The following XKR6 variants were observed in gnomAD, a reference collection of about 807,000 sequenced individuals.
XKR6 encodes XK-related protein 6.
XKR6 carries 22 observed loss-of-function variants against 56.7 expected under a neutral mutation model. The ratio of observed to expected loss-of-function variants is 0.39; its 90% CI spans 0.28 to 0.55. The LOEUF is 0.55. Ranked by LOEUF, XKR6 falls within the 20% of genes least tolerant of loss-of-function variation. XKR6 has a pLI of 0.66. For synonymous variants in XKR6, 524 were observed against 387.8 expected (o/e 1.35, Z -4.13); for missense variants, 852 against 889.0 (o/e 0.96, Z 0.53).
At chr8:11,114,727 ATGTGTGTGTG>A (rs58011023) in intron 1 of XKR6, among the ~76,000 whole-genome samples, 7,786 of 118,464 alleles carry the variant, frequency 0.066, 715 homozygotes, top group African/African-American at 0.2. Flanking sequence ...TAGATCACAT[ATGTGTGTGTG>A]TGTGTGTGTG....
At chr8:10,901,442 G>C (rs1265467541) in intron 2 of XKR6, among the ~76,000 whole-genome samples, 1 of 151,996 alleles carries the variant, frequency 6.6e-6, no homozygotes, top group East Asian at 1.9e-4. Context: ...CAAAGTGCTG[G>C]GATTACAGGC....
chr8:10,903,540 C>T (rs148157751), intron 2 of XKR6, among the ~76,000 whole-genome samples: 14 of 152,208 alleles, frequency 9.2e-5, no homozygotes, highest in Non-Finnish European at 1.5e-5. Flanking sequence ...GAAGCTCTAA[C>T]CCCTAGGACC....
At chr8:11,036,450 G>C (rs1480579974) in intron 1 of XKR6, among the ~76,000 whole-genome samples, 3 of 152,172 alleles carry the variant, frequency 2.0e-5, no homozygotes, top group Non-Finnish European at 4.4e-5. Context: ...TGTGAATCTT[G>C]CTACCGGCAG....
At chr8:11,037,937 G>A (rs1424420274) in intron 1 of XKR6, among the ~76,000 whole-genome samples, 1 of 150,728 alleles carries the variant, frequency 6.6e-6, no homozygotes, top group Non-Finnish European at 1.5e-5. Flanking sequence ...TGAGGCAGGA[G>A]AATTGCTTGA....
chr8:11,194,890 G>A (rs549953077), intron 1 of XKR6: 86 of 506,302 alleles, frequency 1.7e-4, no homozygotes, highest in African/African-American at 1.1e-3. Context: ...GGATCCTTCT[G>A]GAAATACTAT....
intron 1 of XKR6, among the ~76,000 whole-genome samples, chr8:10,981,038 G>A (rs1354192950): frequency 6.6e-6 from 1 of 152,062 alleles, no homozygotes; most frequent in Non-Finnish European, 1.5e-5. Flanking sequence ...CAAAATACCA[G>A]GTAGCTGTAG....
intron 1 of XKR6, among the ~76,000 whole-genome samples, chr8:11,092,953 C>T (rs569907780): frequency 6.6e-6 from 1 of 152,366 alleles, no homozygotes; most frequent in East Asian, 1.9e-4. Flanking sequence ...CTCCTGCCCA[C>T]CATGCAGCCC....
chr8:10,970,598 C>A (rs539850314), intron 1 of XKR6, among the ~76,000 whole-genome samples: 15 of 151,874 alleles, frequency 9.9e-5, no homozygotes, highest in African/African-American at 3.6e-4. Flanking sequence ...CTTTGCAAGA[C>A]ACAGTGTCTC....
chr8:10,911,622 CAG>C (rs1159910883), intron 2 of XKR6, among the ~76,000 whole-genome samples: 1 of 131,756 alleles, frequency 7.6e-6, no homozygotes, highest in African/African-American at 2.9e-5. Context: ...TATATGTAGA[CAG>C]AGAGGGGGTG....
intron 1 of XKR6, among the ~76,000 whole-genome samples, chr8:11,100,139 C>T (rs1211020401): frequency 1.3e-5 from 2 of 152,134 alleles, no homozygotes; most frequent in African/African-American, 4.8e-5. Context: ...GCAGTCTCGA[C>T]CTCCCCAGAC....
intron 1 of XKR6, among the ~76,000 whole-genome samples, chr8:10,952,285 G>T (rs1199506900): frequency 6.6e-6 from 1 of 152,116 alleles, no homozygotes; most frequent in East Asian, 1.9e-4. Context: ...AGCCAGTCAG[G>T]GTAGAAAGAG....
chr8:11,176,134 T>C (rs1802641922), intron 1 of XKR6, among the ~76,000 whole-genome samples: 1 of 152,222 alleles, frequency 6.6e-6, no homozygotes, highest in Non-Finnish European at 1.5e-5. Flanking sequence ...TGACCTGTGC[T>C]TAGCATCTTT....
At chr8:11,042,882 A>C (rs1039242892) in intron 1 of XKR6, among the ~76,000 whole-genome samples, 3 of 152,174 alleles carry the variant, frequency 2.0e-5, no homozygotes, top group African/African-American at 7.2e-5. Context: ...CCTAGCACTT[A>C]GGCCCAGAAG....
intron 1 of XKR6, among the ~76,000 whole-genome samples, chr8:11,182,505 C>T (rs775482653): frequency 1.7e-4 from 26 of 152,176 alleles, no homozygotes; most frequent in Admixed American, 1.2e-3. Flanking sequence ...AGCTGGTCAG[C>T]GTGGCCAGGA....
At position 11,201,459 on chromosome 8, in the gene XKR6, G is replaced by A. The variant is rs935023714; in HGVS notation, c.-120C>T. On this transcript the variant is annotated 5_prime_UTR_variant, in exon 1 of 3. Coordinates refer to ENST00000416569, the MANE Select transcript of XKR6 (RefSeq NM_173683.4). ...GAGGAAGGGGGGCGGGGAGGAAGCG[G>A]GGGAGCAAACGAACGAGGGGGGAGT... 2 of 505,246 alleles carry A rather than the reference G, an allele frequency of 4.0e-6. No individual in the cohort carries two copies. The highest frequency in any genetic ancestry group is 2.1e-5 in the African/African-American group (1 of 47,566). The allele number at this position is 505,246 out of a possible 1,614,324, so 31.3% of individuals were successfully genotyped here.
intron 1 of XKR6, among the ~76,000 whole-genome samples, chr8:11,119,535 G>A (rs555164197): frequency 4.6e-5 from 7 of 152,274 alleles, no homozygotes; most frequent in African/African-American, 1.7e-4. Context: ...AGCTCTTCTT[G>A]TTGAATTGAT....
intron 1 of XKR6, among the ~76,000 whole-genome samples, chr8:10,947,183 G>A (rs1232046229): frequency 6.6e-6 from 1 of 152,164 alleles, no homozygotes; most frequent in African/African-American, 2.4e-5. Flanking sequence ...GCTGGCAAGG[G>A]GGAAATCATA....
chr8:11,196,729 C>T (rs1803911056), intron 1 of XKR6, among the ~76,000 whole-genome samples: 1 of 152,244 alleles, frequency 6.6e-6, no homozygotes, highest in Non-Finnish European at 1.5e-5. Context: ...AAAACTATGA[C>T]TTCTTGTGTC....
At chr8:10,997,691 G>A (rs1012671847) in intron 1 of XKR6, among the ~76,000 whole-genome samples, 9 of 152,162 alleles carry the variant, frequency 5.9e-5, no homozygotes, top group African/African-American at 2.2e-4. Flanking sequence ...AGGCTAAAGT[G>A]GGAGGTGCTG....
Sources: gnomAD v4.1 joint callset for allele counts (sites outside exome capture counted in the v4.1 genomes callset) on GRCh38, gnomAD v4.1.1 for gene constraint, MANE v1.5 for transcripts, NCBI Gene and HGNC (gene_info 2026-07-23, HGNC 2026-07-21) for gene names.